GOLM1: variants seen among roughly 807,000 people sequenced by gnomAD.
GOLM1 encodes the protein epididymis luminal protein 46.
In GOLM1, 31 loss-of-function variants were observed where a neutral mutation model predicts 50.5. The ratio of observed to expected loss-of-function variants is 0.61; its 90% CI spans 0.46 to 0.83. The LOEUF is 0.83. Among genes scored for constraint, GOLM1 ranks in the 40% least tolerant of loss-of-function variants. The pLI, the probability that GOLM1 is intolerant of heterozygous loss-of-function variation, is 0.00. For missense variants in GOLM1, 491 were observed against 501.3 expected (o/e 0.98, Z 0.20); for synonymous variants, 178 against 192.8 (o/e 0.92, Z 0.64).
chr9:86,031,136 G>C (rs1430047375), intron 9 of GOLM1, among the ~76,000 whole-genome samples: 1 of 152,018 alleles, frequency 6.6e-6, no homozygotes, highest in Non-Finnish European at 1.5e-5. Context: ...CTTGAACCCG[G>C]GAGGCAGAGG....
intron 3 of GOLM1, among the ~76,000 whole-genome samples, chr9:86,064,723 G>A (rs1834256902): frequency 1.3e-5 from 2 of 152,110 alleles, no homozygotes; most frequent in Non-Finnish European, 2.9e-5. Context: ...CTCTGCTCGG[G>A]CCCAGCCACT....
Position 86,027,570 on chromosome 9 carries a change from T to C in GOLM1, c.*247A>G. The C allele has an allele frequency of 7.8e-7, 1 of 1,275,402 alleles. No individual in the cohort carries two copies. The highest frequency in any genetic ancestry group is 9.9e-7 in the Non-Finnish European group (1 of 1,011,476). 79.0% of individuals were successfully genotyped at this position (1,275,402 alleles called of 1,614,324 possible). A position where few individuals can be genotyped will look rare whatever the true frequency, so the allele number is the denominator to read the frequency against. ...CTATGTTCCAGTTTTGGTGTTGAAC[T>C]TCTCACGAAATACCTACTACCAAAA... On this transcript the variant is annotated 3_prime_UTR_variant, in exon 10 of 10. Coordinates refer to ENST00000388712, the MANE Select transcript of GOLM1 (RefSeq NM_016548.4).
At chr9:86,040,927 G>C in intron 5 of GOLM1, 59 bp from the exon 6 acceptor site, 1 of 1,535,148 alleles carries the variant, frequency 6.5e-7, no homozygotes, top group Non-Finnish European at 8.9e-7. Flanking sequence ...TCTGCTGGAC[G>C]GTGACATCCA....
In GOLM1 at chr9:86,040,696, A is replaced by G. The variant is rs548751518; in HGVS notation, c.597+43T>C. On this transcript the variant is annotated intron_variant, in intron 6 of 9. Transcript: ENST00000388712. ...TAAAAGAAACAAAATGCCTGAAGAT[A>G]GGGGTACCTTCTAGAAACTCTTGGC... The G allele has an allele frequency of 2.5e-5, 40 of 1,583,454 alleles. No individual in the cohort carries two copies. In the Middle Eastern group the frequency reaches 8.5e-4, roughly 34 times the overall value.
In GOLM1 at chr9:86,027,813, C is replaced by T. The variant is rs762362171; in HGVS notation, c.*4G>A. 7.3e-5 allele frequency: 118 copies of T among 1,612,400 alleles called. No homozygotes were observed. In the East Asian group the frequency reaches 2.6e-3, roughly 35 times the overall value. On this transcript the variant is annotated 3_prime_UTR_variant, in exon 10 of 10. Transcript: ENST00000388712. ...TGTTGTGAAATATGTGATTCCAGTT[C>T]AATTCAGAGTGTATGATTCCGCTTT...
intron 1 of GOLM1, among the ~76,000 whole-genome samples, chr9:86,090,608 G>A (rs960864833): frequency 9.2e-5 from 14 of 151,922 alleles, no homozygotes; most frequent in African/African-American, 3.1e-4. Flanking sequence ...CGAGCATCCC[G>A]GGGCAACTTC....
upstream of GOLM1, among the ~76,000 whole-genome samples, chr9:86,099,805 A>C (rs575296694): frequency 6.6e-6 from 1 of 152,032 alleles, no homozygotes; most frequent in East Asian, 1.9e-4. Flanking sequence ...CCGACGCGGG[A>C]GCTGGCGCCT....
intron 3 of GOLM1, among the ~76,000 whole-genome samples, chr9:86,062,875 G>A (rs1834202228): frequency 6.6e-6 from 1 of 152,162 alleles, no homozygotes. Flanking sequence ...ACCCCAGAAT[G>A]CACTTTGAGG....
intron 9 of GOLM1, among the ~76,000 whole-genome samples, chr9:86,032,090 G>GAA (rs1833005562): frequency 6.6e-6 from 1 of 152,042 alleles, no homozygotes; most frequent in Non-Finnish European, 1.5e-5. Flanking sequence ...GAGACCAGGC[G>GAA]AACTCACTCA....
At chr9:86,074,235 T>TAAA (rs11333722) in intron 3 of GOLM1, among the ~76,000 whole-genome samples, 1 of 121,446 alleles carries the variant, frequency 8.2e-6, no homozygotes, top group African/African-American at 3.0e-5. Context: ...TTCTAAGATT[T>TAAA]AAAAAAAAAA....
intron 5 of GOLM1, 106 bp from the exon 6 acceptor site, chr9:86,040,974 G>T: frequency 9.2e-7 from 1 of 1,086,372 alleles, no homozygotes; most frequent in Non-Finnish European, 1.3e-6. Flanking sequence ...CCTGCTTCAG[G>T]CACTTCATCT....
chr9:86,039,935 T>C (rs886842340), intron 6 of GOLM1, among the ~76,000 whole-genome samples: 3 of 149,602 alleles, frequency 2.0e-5, no homozygotes, highest in African/African-American at 7.4e-5. Context: ...GCCACTGCAC[T>C]CTGGCCTGGG....
chr9:86,042,823 G>C (rs1221748056), intron 5 of GOLM1, among the ~76,000 whole-genome samples: 1 of 152,194 alleles, frequency 6.6e-6, no homozygotes, highest in Non-Finnish European at 1.5e-5. Flanking sequence ...GGCTTTCCAT[G>C]TTCCAACTTG....
At chr9:86,082,261 T>C (rs1430234451) in intron 1 of GOLM1, among the ~76,000 whole-genome samples, 1 of 150,728 alleles carries the variant, frequency 6.6e-6, no homozygotes, top group Non-Finnish European at 1.5e-5. Context: ...CTCCTGACCT[T>C]GTGATCCGCC....
At chr9:86,071,253 C>A in intron 3 of GOLM1, among the ~76,000 whole-genome samples, 1 of 152,124 alleles carries the variant, frequency 6.6e-6, no homozygotes, top group Non-Finnish European at 1.5e-5. Context: ...ATGCAACAAC[C>A]ATTCCCAGTT....
chr9:86,034,057 G>A lies in GOLM1; in HGVS notation c.1016-662C>T, dbSNP rs1004234176. Among the ~76,000 whole-genome samples the A allele has an allele frequency of 5.3e-5, 8 of 150,336 alleles. No individual in the cohort carries two copies. In the South Asian group the frequency reaches 6.3e-4, roughly 12 times the overall value. The stretch of plus-strand genomic sequence containing the variant: ...TCGGCTCACTGCAACCTCCGCCTCC[G>A]GGGTTCAAGCGATTCTCCTGCCTCA... On this transcript the variant is annotated intron_variant, in intron 8 of 9. Transcript: ENST00000388712.
At chr9:86,090,812 AAAC>A (rs2118898365) in intron 1 of GOLM1, among the ~76,000 whole-genome samples, 1 of 147,868 alleles carries the variant, frequency 6.8e-6, no homozygotes, top group African/African-American at 2.6e-5. Context: ...AAAAAAAAAA[AAAC>A]TCCTGCAGCT....
In GOLM1 at chr9:86,040,753, C is replaced by T. The variant is rs149371077; in HGVS notation, c.583G>A (p.Asp195Asn). 3.0e-5 allele frequency: 48 copies of T among 1,612,850 alleles called. No individual in the cohort carries two copies. The African/African-American group carries it at 4.0e-4, about 13-fold the overall frequency. The change falls in exon 6 of 10, where the codon GAC becomes AAC. Residue 195 changes from aspartate to asparagine, a missense_variant. Transcript: ENST00000388712. ...VASRDLSENN[D>N]QRQQLQALSE... is the part of the protein sequence containing the mutation. ...TCCCCAGTTACCTGCTGTCTCTGGT[C>T]GTTGTTTTCACTCAGGTCTCTGGAA...
Position 86,048,588 on chromosome 9 carries a change from C to T in GOLM1, c.365-2016G>A, listed in dbSNP as rs58411197. Reference sequence around the variant, plus strand: ...ATTCTAAACTGCTGTGAGATGGTATCTCATTGTGGTTTTGATTTGCATTTC... The same window carrying T: ...ATTCTAAACTGCTGTGAGATGGTATTTCATTGTGGTTTTGATTTGCATTTC... On this transcript the variant is annotated intron_variant, in intron 4 of 9. Coordinates refer to ENST00000388712, the MANE Select transcript of GOLM1 (RefSeq NM_016548.4). Among the ~76,000 whole-genome samples, 171 of 152,276 alleles carry T rather than the reference C, an allele frequency of 1.1e-3. No individual in the cohort carries two copies. In the East Asian group the frequency reaches 0.013, roughly 12 times the overall value.
Sources: gnomAD v4.1 joint callset for allele counts (sites outside exome capture counted in the v4.1 genomes callset) on GRCh38, gnomAD v4.1.1 for gene constraint, MANE v1.5 for transcripts, NCBI Gene and HGNC (gene_info 2026-07-23, HGNC 2026-07-21) for gene names.